The following PHACTR1 variants were observed in gnomAD, a reference collection of about 807,000 sequenced individuals.
PHACTR1 encodes RPEL repeat containing 1.
PHACTR1 carries 16 observed loss-of-function variants against 69.2 expected under a neutral mutation model. The ratio of observed to expected loss-of-function variants is 0.23; its 90% confidence interval spans 0.16 to 0.35. The LOEUF is 0.35. Among genes scored for constraint, PHACTR1 ranks in the 10% least tolerant of loss-of-function variants. The pLI, the probability that PHACTR1 is intolerant of heterozygous loss-of-function variation, is 1.00. For missense variants in PHACTR1, 510 were observed against 734.7 expected (o/e 0.69, Z 3.54); for synonymous variants, 312 against 284.5 (o/e 1.10, Z -0.97).
At chr6:13,188,912 A>G (rs1763145463) in intron 7 of PHACTR1, among the ~76,000 whole-genome samples, 2 of 152,208 alleles carry the variant, frequency 1.3e-5, no homozygotes, top group African/African-American at 4.8e-5. Flanking sequence ...CTGAAGTGAA[A>G]TGCATCCTTC....
intron 5 of PHACTR1, among the ~76,000 whole-genome samples, chr6:13,122,839 T>C (rs1323889232): frequency 2.0e-5 from 3 of 152,238 alleles, no homozygotes; most frequent in African/African-American, 7.2e-5. Context: ...TTAAAGTCAC[T>C]GTCTTTAGTT....
At chr6:13,172,172 A>G (rs1760719569) in intron 6 of PHACTR1, among the ~76,000 whole-genome samples, 1 of 152,184 alleles carries the variant, frequency 6.6e-6, no homozygotes, top group African/African-American at 2.4e-5. Context: ...GATTCAGACT[A>G]TCAGATTCCA....
intron 5 of PHACTR1, among the ~76,000 whole-genome samples, chr6:13,150,806 A>C (rs1824192171): frequency 6.6e-6 from 1 of 152,178 alleles, no homozygotes; most frequent in Non-Finnish European, 1.5e-5. Context: ...CTTAATTTTG[A>C]AACATCTCTT....
At position 13,183,354 on chromosome 6, in the gene PHACTR1, G is replaced by A. The variant is rs531701192; in HGVS notation, c.664+668G>A. ...TACTTGTCAGGAGATGAGTCTGGGAGAAGGAACCTCTTGCAATATCCAGAG... is the reference window on the plus strand; with the variant it reads ...TACTTGTCAGGAGATGAGTCTGGGAAAAGGAACCTCTTGCAATATCCAGAG... On this transcript the variant is annotated intron_variant, in intron 7 of 14. Transcript: ENST00000332995. 2.7e-5 allele frequency among the ~76,000 whole-genome samples: 4 copies of A among 148,240 alleles called. No homozygotes were observed. In the South Asian group the frequency reaches 8.7e-4, roughly 32 times the overall value.
chr6:13,134,663 G>C (rs1017254041), intron 5 of PHACTR1, among the ~76,000 whole-genome samples: 1 of 151,878 alleles, frequency 6.6e-6, no homozygotes, highest in Non-Finnish European at 1.5e-5. Context: ...GGGGAAGGCC[G>C]CAGGGTCCTC....
At chr6:13,045,565 C>G (rs766143183) in intron 4 of PHACTR1, among the ~76,000 whole-genome samples, 1 of 152,210 alleles carries the variant, frequency 6.6e-6, no homozygotes, top group Non-Finnish European at 1.5e-5. Flanking sequence ...CTCTTGCTTT[C>G]TTTAAAATTA....
At chr6:12,834,076 G>A (rs1358999168) in intron 4 of PHACTR1, among the ~76,000 whole-genome samples, 1 of 152,120 alleles carries the variant, frequency 6.6e-6, no homozygotes, top group Non-Finnish European at 1.5e-5. Context: ...CTATAGTTCT[G>A]CAATAGCACT....
chr6:13,085,807 A>C (rs1250762020), intron 5 of PHACTR1, among the ~76,000 whole-genome samples: 1 of 152,208 alleles, frequency 6.6e-6, no homozygotes, highest in East Asian at 1.9e-4. Flanking sequence ...TTATACATTC[A>C]GCATTAAACG....
intron 4 of PHACTR1, among the ~76,000 whole-genome samples, chr6:12,814,204 C>A (rs951539981): frequency 6.6e-6 from 1 of 152,148 alleles, no homozygotes; most frequent in Non-Finnish European, 1.5e-5. Flanking sequence ...TTCTGGAGTA[C>A]AAACTCCTCT....
At chr6:13,050,306 C>T (rs1021956178) in intron 4 of PHACTR1, among the ~76,000 whole-genome samples, 5 of 152,186 alleles carry the variant, frequency 3.3e-5, no homozygotes, top group South Asian at 2.1e-4. Context: ...TTCCACAACC[C>T]GTACTTAAAA....
In PHACTR1 at chr6:13,278,712, C is replaced by G. The variant is rs557202869; in HGVS notation, c.1509+383C>G. Among the ~76,000 whole-genome samples the G allele has an allele frequency of 5.9e-5, 9 of 152,328 alleles. No individual in the cohort carries two copies. The East Asian group carries it at 1.3e-3, about 23-fold the overall frequency. ...GTGGTTCATGCCTATAAACCCAGCACTTTGGGAGGCCAAGGTGAGTGGATA... is the reference window on the plus strand; with the variant it reads ...GTGGTTCATGCCTATAAACCCAGCAGTTTGGGAGGCCAAGGTGAGTGGATA... On this transcript the variant is annotated intron_variant, in intron 12 of 14. Transcript: ENST00000332995.
At position 12,931,024 on chromosome 6, in the gene PHACTR1, A is replaced by AG. The variant is rs1788813548; in HGVS notation, c.251-122341_251-122340insG. On this transcript the variant is annotated intron_variant, in intron 4 of 14. Transcript: ENST00000332995. The stretch of plus-strand genomic sequence containing the variant: ...GTCTCAAAAAAAAAAAAAAAAAAAA[A>AG]AAGAAGGTGACAAATGCACAGGACA... Among the ~76,000 whole-genome samples the AG allele has an allele frequency of 2.7e-5, 4 of 148,416 alleles. No homozygotes were observed. In the South Asian group the frequency reaches 8.4e-4, roughly 31 times the overall value.
chr6:12,915,117 T>A (rs1786827633), intron 4 of PHACTR1, among the ~76,000 whole-genome samples: 1 of 152,186 alleles, frequency 6.6e-6, no homozygotes, highest in African/African-American at 2.4e-5. Context: ...AGGGACTGCA[T>A]ATTCTGGGTG....
intron 4 of PHACTR1, among the ~76,000 whole-genome samples, chr6:12,840,921 G>C (rs762153769): frequency 1.3e-5 from 2 of 152,212 alleles, no homozygotes; most frequent in Non-Finnish European, 2.9e-5. Context: ...CTCAGCAATT[G>C]AGTTGATTTT....
chr6:12,740,607 G>A (rs1581524159), intron 3 of PHACTR1, among the ~76,000 whole-genome samples: 1 of 152,096 alleles, frequency 6.6e-6, no homozygotes, highest in African/African-American at 2.4e-5. Context: ...TTTTGTTGCT[G>A]TTTAAGGAGA....
At chr6:12,939,170 C>A (rs1363539302) in intron 4 of PHACTR1, among the ~76,000 whole-genome samples, 1 of 152,052 alleles carries the variant, frequency 6.6e-6, no homozygotes, top group African/African-American at 2.4e-5. Context: ...AGATGCTGTC[C>A]CCTAGTCTAA....
intron 4 of PHACTR1, among the ~76,000 whole-genome samples, chr6:12,834,871 C>T (rs1031075120): frequency 1.3e-5 from 2 of 151,520 alleles, no homozygotes; most frequent in African/African-American, 4.8e-5. Flanking sequence ...GTAGAACATT[C>T]TAGAACCTCC....
intron 4 of PHACTR1, among the ~76,000 whole-genome samples, chr6:12,767,575 C>T (rs935509017): frequency 2.0e-5 from 3 of 152,138 alleles, no homozygotes; most frequent in Non-Finnish European, 4.4e-5. Context: ...TTTACACTTT[C>T]GTTTTTTAAA....
chr6:13,076,670 CA>C (rs1201977609), intron 5 of PHACTR1, among the ~76,000 whole-genome samples: 1 of 151,922 alleles, frequency 6.6e-6, no homozygotes, highest in East Asian at 1.9e-4. Context: ...GTGGAGATGG[CA>C]ACAGAGCTCT....
Sources: allele counts gnomAD v4.1 joint callset (sites outside exome capture counted in the v4.1 genomes callset), GRCh38; gene constraint gnomAD v4.1.1; transcripts MANE v1.5; gene names NCBI Gene and HGNC (gene_info 2026-07-23, HGNC 2026-07-21).